The following GPRASP3 variants were observed in gnomAD, a reference collection of about 807,000 sequenced individuals.
The protein encoded by GPRASP3 is G protein-coupled receptor associated sorting protein family member 3, also known as G protein-coupled receptor associated sorting protein 3.
chrX:102,738,274 C>T, the GPRASP3 span, among the ~76,000 whole-genome samples: 2 of 112,214 alleles, frequency 1.8e-5, no homozygotes, highest in South Asian at 3.8e-4. Flanking sequence ...AAGGTGTCCT[C>T]TCTTTCTTCC....
the GPRASP3 span, among the ~76,000 whole-genome samples, chrX:102,740,465 T>G: frequency 1.8e-5 from 2 of 112,066 alleles, no homozygotes; most frequent in African/African-American, 6.5e-5. Context: ...CCCAAGTCCC[T>G]TAAAATACCT....
At chrX:102,729,985 C>T in the GPRASP3 span, among the ~76,000 whole-genome samples, 2 of 111,449 alleles carry the variant, frequency 1.8e-5, no homozygotes, top group Non-Finnish European at 3.8e-5. Context: ...GACTGGGGGG[C>T]GAATGGCATG....
the GPRASP3 span, among the ~76,000 whole-genome samples, chrX:102,743,394 T>C: frequency 9.0e-6 from 1 of 111,660 alleles, no homozygotes; most frequent in East Asian, 2.8e-4. Context: ...ACTTTGTATT[T>C]TGAGTTATTT....
the GPRASP3 span, among the ~76,000 whole-genome samples, chrX:102,746,534 G>C: frequency 1.8e-5 from 2 of 112,609 alleles, no homozygotes; most frequent in African/African-American, 6.4e-5. Context: ...GAGCCATTGT[G>C]GGGGGCTCCC....
the GPRASP3 span, among the ~76,000 whole-genome samples, chrX:102,723,848 A>G: frequency 5.4e-5 from 6 of 111,305 alleles, no homozygotes; most frequent in Admixed American, 1.9e-4. Context: ...GGTTTAATCA[A>G]TCTTGCCTAT....
the GPRASP3 span, among the ~76,000 whole-genome samples, chrX:102,728,969 T>C: frequency 8.9e-6 from 1 of 112,271 alleles, no homozygotes; most frequent in Non-Finnish European, 1.9e-5. Flanking sequence ...ATTTCTTCTT[T>C]CATAGAACAG....
the GPRASP3 span, among the ~76,000 whole-genome samples, chrX:102,734,669 T>C: frequency 9.0e-6 from 1 of 111,676 alleles, no homozygotes; most frequent in Admixed American, 9.5e-5. Context: ...CTGTGGATGA[T>C]GAAAAGTCCT....
chrX:102,730,295 G>A, the GPRASP3 span, among the ~76,000 whole-genome samples: 5 of 111,541 alleles, frequency 4.5e-5, no homozygotes, highest in African/African-American at 6.5e-5. Context: ...AGAAGGCGGA[G>A]CTCAGGCGGC....
chrX:102,739,346 C>T, the GPRASP3 span, among the ~76,000 whole-genome samples: 1 of 111,316 alleles, frequency 9.0e-6, no homozygotes, highest in Non-Finnish European at 1.9e-5. Context: ...TCCCTCCCCA[C>T]TCCCTTAGAA....
the GPRASP3 span, among the ~76,000 whole-genome samples, chrX:102,741,915 C>T: frequency 4.5e-5 from 5 of 111,933 alleles, no homozygotes; most frequent in Non-Finnish European, 7.5e-5. Flanking sequence ...TATCTTTAAA[C>T]ATGAAGGAGA....
chrX:102,737,038 A>T, the GPRASP3 span, among the ~76,000 whole-genome samples: 1 of 111,903 alleles, frequency 8.9e-6, no homozygotes, highest in Non-Finnish European at 1.9e-5. Context: ...AAATTATCTT[A>T]GGTCCTTTCA....
At chrX:102,750,834 A>G in the GPRASP3 span, 556 of 319,225 alleles carry the variant, frequency 1.7e-3, 2 homozygotes, top group African/African-American at 0.012. Context: ...TCTTGTCTAG[A>G]TTGGCATATT....
chrX:102,737,363 T>C, the GPRASP3 span, among the ~76,000 whole-genome samples: 1 of 112,419 alleles, frequency 8.9e-6, no homozygotes. Context: ...TTATGACTTA[T>C]CCATGAGTGT....
the GPRASP3 span, among the ~76,000 whole-genome samples, chrX:102,736,679 C>T: frequency 1.8e-5 from 2 of 111,543 alleles, no homozygotes; most frequent in Admixed American, 9.5e-5. Context: ...GCCCATTCCC[C>T]ATGGGAATCT....
the GPRASP3 span, among the ~76,000 whole-genome samples, chrX:102,744,983 G>A: frequency 9.0e-6 from 1 of 111,531 alleles, no homozygotes; most frequent in Non-Finnish European, 1.9e-5. Flanking sequence ...GCTTGGAAGG[G>A]AGAGTAAAAA....
the GPRASP3 span, among the ~76,000 whole-genome samples, chrX:102,741,423 T>A: frequency 8.9e-6 from 1 of 112,015 alleles, no homozygotes; most frequent in Non-Finnish European, 1.9e-5. Context: ...CATCTGAGGC[T>A]TTCTTTCCTT....
At chrX:102,735,828 C>T in the GPRASP3 span, among the ~76,000 whole-genome samples, 1 of 112,724 alleles carries the variant, frequency 8.9e-6, no homozygotes, top group African/African-American at 3.2e-5. Flanking sequence ...ATCCACATTC[C>T]CATTCCTTCT....
chrX:102,750,420 A>G, the GPRASP3 span: 2 of 1,201,735 alleles, frequency 1.7e-6, no homozygotes, highest in South Asian at 3.6e-5. Flanking sequence ...CTGAAAATCC[A>G]ACTGCAGCCA....
At chrX:102,742,532 T>A in the GPRASP3 span, among the ~76,000 whole-genome samples, 1 of 112,511 alleles carries the variant, frequency 8.9e-6, no homozygotes, top group Non-Finnish European at 1.9e-5. Context: ...CCTGCCTTCC[T>A]TGTTGGAAGC....
Sources: allele counts gnomAD v4.1 joint callset (sites outside exome capture counted in the v4.1 genomes callset), GRCh38; gene constraint gnomAD v4.1.1; transcripts MANE v1.5; gene names NCBI Gene and HGNC (gene_info 2026-07-23, HGNC 2026-07-21).